The following INTS8 variants were observed in gnomAD, a reference collection of about 807,000 sequenced individuals.
INTS8 encodes protein kaonashi-1.
Under a neutral mutation model 138.9 loss-of-function variants are expected in INTS8, and 47 were observed. The observed-to-expected ratio is 0.34, with a 90% CI of 0.27 to 0.43. The LOEUF is 0.43. Ranked by LOEUF, INTS8 falls within the 20% of genes least tolerant of loss-of-function variation. The pLI is 1.00. For missense variants in INTS8, 996 were observed against 1,173.0 expected (o/e 0.85, Z 2.20); for synonymous variants, 392 against 400.9 (o/e 0.98, Z 0.27).
intron 14 of INTS8, among the ~76,000 whole-genome samples, chr8:94,856,370 C>T (rs1026498715): frequency 2.0e-5 from 3 of 152,018 alleles, no homozygotes; most frequent in Admixed American, 1.3e-4. Context: ...ATTTGTTAGC[C>T]AATTTTATCG....
rs967308660 is a variant in INTS8 at position 94,849,406 on chromosome 8, A to G, written c.1261-56A>G. The G allele has an allele frequency of 1.3e-5, 12 of 897,858 alleles. 1 individual carries two copies. The highest frequency in any genetic ancestry group is 5.1e-5 in the East Asian group (2 of 39,506). 55.6% of individuals were successfully genotyped at this position (897,858 alleles called of 1,614,324 possible). A position where few individuals can be genotyped will look rare whatever the true frequency, so the allele number is the denominator to read the frequency against. ...TTTTTAAATCCAGCCTTTTCAAATT[A>G]TAATTTACATTTTTATAAGTACCCA... On this transcript the variant is annotated intron_variant, in intron 10 of 26. Transcript: ENST00000523731.
At chr8:94,847,936 T>C (rs1048045068) in intron 10 of INTS8, among the ~76,000 whole-genome samples, 12 of 152,088 alleles carry the variant, frequency 7.9e-5, no homozygotes, top group Admixed American at 2.6e-4. Flanking sequence ...TACTCCAAGA[T>C]GCTCAGATGT....
chr8:94,844,304 G>A (rs546642755), intron 10 of INTS8, among the ~76,000 whole-genome samples: 1 of 151,542 alleles, frequency 6.6e-6, no homozygotes, highest in East Asian at 2.0e-4. Context: ...CTTCCAAAGT[G>A]ATAGGATTAC....
intron 26 of INTS8, among the ~76,000 whole-genome samples, chr8:94,878,100 A>G (rs144991848): frequency 5.5e-4 from 84 of 152,266 alleles, no homozygotes; most frequent in Non-Finnish European, 1.1e-3. Flanking sequence ...TCACCTGGGA[A>G]AGCCCTAGCC....
At chr8:94,851,127 G>A (rs1815527838) in intron 12 of INTS8, among the ~76,000 whole-genome samples, 1 of 152,108 alleles carries the variant, frequency 6.6e-6, no homozygotes, top group Non-Finnish European at 1.5e-5. Flanking sequence ...GGAAGAGCAT[G>A]CCCCTTTCTC....
chr8:94,836,701 T>G, intron 7 of INTS8, 70 bp downstream of exon 7: 1 of 913,106 alleles, frequency 1.1e-6, no homozygotes, highest in Non-Finnish European at 1.7e-6. Context: ...TTGGCTTTGA[T>G]TTTTCTGATG....
intron 18 of INTS8, 78 bp from the exon 19 acceptor site, chr8:94,867,062 T>C (rs561049286): frequency 9.4e-7 from 1 of 1,069,416 alleles, no homozygotes; most frequent in African/African-American, 1.6e-5. Context: ...GAATGCTTGA[T>C]GTCTGTGAGG....
intron 14 of INTS8, among the ~76,000 whole-genome samples, chr8:94,855,682 G>A (rs1227472953): frequency 2.6e-5 from 4 of 152,208 alleles, no homozygotes; most frequent in African/African-American, 9.7e-5. Flanking sequence ...CAGCTAGTAA[G>A]TGTCACAAGT....
chr8:94,877,225 A>G (rs1563674453), intron 26 of INTS8, among the ~76,000 whole-genome samples: 1 of 152,340 alleles, frequency 6.6e-6, no homozygotes, highest in East Asian at 1.9e-4. Context: ...TTGTATGGCC[A>G]TATTTACTTG....
At chr8:94,840,881 GT>G (rs1432830667) in intron 8 of INTS8, among the ~76,000 whole-genome samples, 1 of 144,158 alleles carries the variant, frequency 6.9e-6, no homozygotes, top group Non-Finnish European at 1.5e-5. Flanking sequence ...TTTTTAGTTT[GT>G]TTTATGAGCT....
At chr8:94,877,268 T>C (rs920853599) in intron 26 of INTS8, among the ~76,000 whole-genome samples, 1 of 152,220 alleles carries the variant, frequency 6.6e-6, no homozygotes, top group Non-Finnish European at 1.5e-5. Context: ...TCACCACAGA[T>C]CTTTTCTTTG....
chr8:94,857,488 A>G (rs1020277694), intron 15 of INTS8, among the ~76,000 whole-genome samples: 1 of 152,212 alleles, frequency 6.6e-6, no homozygotes, highest in African/African-American at 2.4e-5. Context: ...GGATTTCTGT[A>G]ACAAGGTACC....
rs1012837107 is a variant in INTS8, at chr8:94,829,123, G to A, written c.570+97G>A. ...GCACCAGGGACTGGTTTTGTGGAAG[G>A]CAATTTCCAGGAAACTGGATGTGGT... On this transcript the variant is annotated intron_variant, in intron 5 of 26. Coordinates refer to ENST00000523731, the MANE Select transcript of INTS8 (RefSeq NM_017864.4). 3 of 855,324 alleles carry A rather than the reference G, an allele frequency of 3.5e-6. No individual in the cohort carries two copies. In the Admixed American group the frequency reaches 7.6e-5, roughly 22 times the overall value. 53.0% of individuals were successfully genotyped at this position (855,324 alleles called of 1,614,324 possible).
intron 16 of INTS8, among the ~76,000 whole-genome samples, chr8:94,862,009 C>T (rs548845030): frequency 2.0e-5 from 3 of 152,032 alleles, no homozygotes; most frequent in Non-Finnish European, 1.5e-5. Flanking sequence ...GGCACAATCT[C>T]GGCTCATTGC....
At chr8:94,848,998 GT>G (rs886969354) in intron 10 of INTS8, among the ~76,000 whole-genome samples, 2 of 151,612 alleles carry the variant, frequency 1.3e-5, no homozygotes, top group African/African-American at 4.9e-5. Flanking sequence ...TTAAACCTTG[GT>G]TACCTTTTTA....
Position 94,832,131 on chromosome 8 carries a change from C to G in INTS8, c.710C>G (p.Ser237Cys), listed in dbSNP as rs1483769375. 2 of 1,613,338 alleles carry G rather than the reference C, an allele frequency of 1.2e-6. No homozygotes were observed. Among genetic ancestry groups the G allele is most frequent in the South Asian group, 1.1e-5 (1 of 90,916 alleles). Residue 237 changes from serine (S) to cysteine (C), a missense_variant, in exon 6 of 27, where the codon TCT becomes TGT. Transcript: ENST00000523731. The part of the protein sequence containing the change: ...PGMVNGETES[S>C]TAGLKVKTEE... ...ATGGTAAATGGAGAAACTGAGAGTT[C>G]TACTGCTGGATTGAAAGTCAAAACC...
chr8:94,840,447 C>T (rs1815091942), intron 8 of INTS8, among the ~76,000 whole-genome samples: 1 of 151,732 alleles, frequency 6.6e-6, no homozygotes, highest in Non-Finnish European at 1.5e-5. Context: ...AAGAAAAAGT[C>T]TGTATGTAAT....
intron 3 of INTS8, 107 bp downstream of exon 3, chr8:94,827,510 C>A: frequency 7.5e-7 from 1 of 1,340,424 alleles, no homozygotes; most frequent in South Asian, 1.3e-5. Flanking sequence ...AGGGATTTTT[C>A]AAATCTGGGG....
intron 5 of INTS8, among the ~76,000 whole-genome samples, chr8:94,829,980 TC>T (rs1814652986): frequency 6.6e-6 from 1 of 152,168 alleles, no homozygotes; most frequent in Admixed American, 6.5e-5. Context: ...CACTGCAACT[TC>T]GCCTCCCTGC....
Sources: allele counts gnomAD v4.1 joint callset (sites outside exome capture counted in the v4.1 genomes callset), GRCh38; gene constraint gnomAD v4.1.1; transcripts MANE v1.5; gene names NCBI Gene and HGNC (gene_info 2026-07-23, HGNC 2026-07-21).